The following TBC1D9B variants were observed in gnomAD, a reference collection of about 807,000 sequenced individuals.
The protein encoded by TBC1D9B is TBC1 domain family member 9B.
In TBC1D9B, 87 loss-of-function variants were observed where a neutral mutation model predicts 121.1. That is an observed-to-expected ratio of 0.72 (90% CI 0.60 to 0.86). The LOEUF (loss-of-function observed/expected upper bound fraction) is 0.86. TBC1D9B is among the 40% of genes least tolerant of loss of function. The pLI, the probability that TBC1D9B is intolerant of heterozygous loss-of-function variation, is 0.00. For synonymous variants in TBC1D9B, 668 were observed against 670.1 expected (o/e 1.00, Z 0.05); for missense variants, 1,540 against 1,628.6 (o/e 0.95, Z 0.94).
Position 179,890,474 on chromosome 5 carries a change from C to T in TBC1D9B, c.1044+905G>A, listed in dbSNP as rs1373343554. On this transcript the variant is annotated intron_variant, in intron 6 of 20. Transcript: ENST00000355235. The surrounding 1 kb of genome is among the most constrained non-coding windows in gnomAD (Gnocchi z 5.0). ...CCTGGTGCTAACAGAATGTGGGGTT[C>T]GGGTCACACCTGAGCCTCTTAACCT... 2.0e-5 allele frequency among the ~76,000 whole-genome samples: 3 copies of T among 152,168 alleles called. No individual in the cohort carries two copies. Among genetic ancestry groups the T allele is most frequent in the Non-Finnish European group, 2.9e-5 (2 of 68,034 alleles).
chr5:179,875,818 A>G lies in TBC1D9B; in HGVS notation c.1900+102T>C, dbSNP rs901277101. 51 of 879,084 alleles carry G rather than the reference A, an allele frequency of 5.8e-5. 1 individual carries two copies. The highest frequency in any genetic ancestry group is 1.9e-4 in the South Asian group (10 of 51,294). The allele number at this position is 879,084 out of a possible 1,614,324, so 54.5% of individuals were successfully genotyped here. ...TAATACTACCCTCTAACTCCTAGGG[A>G]ACCCACGTGAAGCCTGGAGCTTGGC... On this transcript the variant is annotated intron_variant, in intron 11 of 20. Coordinates refer to ENST00000355235, the MANE Select transcript of TBC1D9B (RefSeq NM_015043.4). The surrounding 1 kb of genome is among the most constrained non-coding windows in gnomAD (Gnocchi z 4.5).
intron 17 of TBC1D9B, chr5:179,869,551 T>G: frequency 2.9e-6 from 2 of 681,362 alleles, no homozygotes; most frequent in Non-Finnish European, 5.3e-6. Context: ...CGGTCACCCA[T>G]GGGATTCTCC....
chr5:179,870,616 A>G (rs1045184015), intron 15 of TBC1D9B, 121 bp from the exon 16 acceptor site: 2 of 1,407,066 alleles, frequency 1.4e-6, no homozygotes, highest in African/African-American at 1.4e-5. Flanking sequence ...TGGGGCGGTA[A>G]GCACGGGCCA....
chr5:179,889,095 T>A (rs1235149455), intron 6 of TBC1D9B, among the ~76,000 whole-genome samples: 3 of 151,424 alleles, frequency 2.0e-5, no homozygotes, highest in Non-Finnish European at 4.4e-5. Flanking sequence ...AGTGGTGCGA[T>A]CTCAGCTCAC....
At position 179,863,162 on chromosome 5, in the gene TBC1D9B, A is replaced by G; in HGVS notation, c.*286T>C. The stretch of plus-strand genomic sequence containing the variant: ...GGCAGATCTGAGAGCCTGTAATGCT[A>G]GGCAGGTGCAGCTGGTGCGAGGCGG... On this transcript the variant is annotated 3_prime_UTR_variant, in exon 21 of 21. Coordinates refer to ENST00000355235, the MANE Select transcript of TBC1D9B (RefSeq NM_015043.4). This position sits in a 1 kb window ranked among gnomAD's most constrained non-coding sequence, Gnocchi z 4.5. The G allele has an allele frequency of 2.2e-6, 1 of 451,904 alleles. No homozygotes were observed. The allele number at this position is 451,904 out of a possible 1,614,324, so 28.0% of individuals were successfully genotyped here.
rs1582068410 is a variant in TBC1D9B at position 179,862,877 on chromosome 5, G to A, written c.*571C>T. The A allele has an allele frequency of 9.1e-6, 3 of 328,392 alleles. No homozygotes were observed. The highest frequency in any genetic ancestry group is 7.6e-5 in the East Asian group (1 of 13,136). The allele number at this position is 328,392 out of a possible 1,614,324, so 20.3% of individuals were successfully genotyped here. ...GGAAAGGATGATGAGCTGAGAGCAC[G>A]TGTACAGCCACGCCTGTGCGCAGCG... On this transcript the variant is annotated 3_prime_UTR_variant, in exon 21 of 21. Transcript: ENST00000355235.
At position 179,907,186 on chromosome 5, in the gene TBC1D9B, G is replaced by A. The variant is rs1224683230; in HGVS notation, c.118+518C>T. Among the ~76,000 whole-genome samples the A allele has an allele frequency of 6.6e-6, 1 of 152,198 alleles. No individual in the cohort carries two copies. Among genetic ancestry groups the A allele is most frequent in the Non-Finnish European group, 1.5e-5 (1 of 68,024 alleles). Reference sequence around the variant, plus strand: ...AAAGGTGGGGGAGGAGAAGCTGGGGGAATGGGGGTGCGGCCAGCTCCAGGG... The same window carrying A: ...AAAGGTGGGGGAGGAGAAGCTGGGGAAATGGGGGTGCGGCCAGCTCCAGGG... On this transcript the variant is annotated intron_variant, in intron 1 of 20. Transcript: ENST00000355235. The surrounding 1 kb of genome is among the most constrained non-coding windows in gnomAD (Gnocchi z 5.3).
intron 10 of TBC1D9B, among the ~76,000 whole-genome samples, chr5:179,877,181 T>C (rs1323261685): frequency 6.7e-6 from 1 of 150,330 alleles, no homozygotes; most frequent in Non-Finnish European, 1.5e-5. Context: ...GCCTAGGAGT[T>C]TGAGGCCAGT....
intron 7 of TBC1D9B, among the ~76,000 whole-genome samples, chr5:179,882,476 T>C (rs1760568944): frequency 6.6e-6 from 1 of 152,220 alleles, no homozygotes; most frequent in Non-Finnish European, 1.5e-5. Flanking sequence ...TGAACTCCTC[T>C]GCATGTTCTT....
Position 179,875,312 on chromosome 5 carries a change from T to C in TBC1D9B, c.1901-125A>G. The C allele has an allele frequency of 6.5e-6, 8 of 1,231,884 alleles. No homozygotes were observed. Among genetic ancestry groups the C allele is most frequent in the Non-Finnish European group, 8.8e-6 (8 of 906,796 alleles). 76.3% of individuals were successfully genotyped at this position (1,231,884 alleles called of 1,614,324 possible). A position where few individuals can be genotyped will look rare whatever the true frequency, so the allele number is the denominator to read the frequency against. On this transcript the variant is annotated intron_variant, in intron 11 of 20. Coordinates refer to ENST00000355235, the MANE Select transcript of TBC1D9B (RefSeq NM_015043.4). This position sits in a 1 kb window ranked among gnomAD's most constrained non-coding sequence, Gnocchi z 4.5. The stretch of plus-strand genomic sequence containing the variant: ...CTGTGCAGTGAGGGCTGAGGGAGAC[T>C]TGGAGTGCTGGGAGAAAACAAGGAC...
chr5:179,899,092 G>C, intron 3 of TBC1D9B, 97 bp downstream of exon 3: 2 of 991,784 alleles, frequency 2.0e-6, no homozygotes, highest in South Asian at 3.2e-5. Flanking sequence ...TTGTAAAATG[G>C]GGACGCACCC....
At position 179,884,832 on chromosome 5, in the gene TBC1D9B, T is replaced by C. The variant is rs559910740; in HGVS notation, c.1254+3271A>G. On this transcript the variant is annotated intron_variant, in intron 7 of 20. Coordinates refer to ENST00000355235, the MANE Select transcript of TBC1D9B (RefSeq NM_015043.4). ...AATTCAAGTCAAAAAGGTAGAATGG[T>C]GCTTGCCAGGGGCTGGGGGAGTGGG... Among the ~76,000 whole-genome samples, 19 of 152,248 alleles carry C rather than the reference T, an allele frequency of 1.2e-4. No homozygotes were observed. In the East Asian group the frequency reaches 2.7e-3, roughly 22 times the overall value.
Position 179,865,711 on chromosome 5 carries a change from G to C in TBC1D9B, c.2914+127C>G, listed in dbSNP as rs1197752678. The stretch of plus-strand genomic sequence containing the variant: ...CTGTGCATCCCGAGGCCTGCTCCCT[G>C]ATCGGGGGACGCATCCGCCATCTCC... On this transcript the variant is annotated intron_variant, in intron 19 of 20. Transcript: ENST00000355235. This position sits in a 1 kb window ranked among gnomAD's most constrained non-coding sequence, Gnocchi z 5.1. 4.5e-6 allele frequency: 5 copies of C among 1,099,968 alleles called. No individual in the cohort carries two copies. Among genetic ancestry groups the C allele is most frequent in the Non-Finnish European group, 6.6e-6 (5 of 758,180 alleles). The allele number at this position is 1,099,968 out of a possible 1,614,324, so 68.1% of individuals were successfully genotyped here.
At chr5:179,887,835 G>A (rs1459430695) in intron 7 of TBC1D9B, 1 of 530,868 alleles carries the variant, frequency 1.9e-6, no homozygotes, top group Non-Finnish European at 3.4e-6. Context: ...CAGCAATGCA[G>A]AAAGGACAGC....
intron 20 of TBC1D9B, 152 bp from the exon 21 acceptor site, chr5:179,864,280 G>C (rs1490780927): frequency 2.6e-6 from 2 of 767,768 alleles, no homozygotes; most frequent in Non-Finnish European, 4.1e-6. Context: ...CCATCTCACA[G>C]ATCAGGACAC....
chr5:179,903,067 T>G (rs542308612), intron 2 of TBC1D9B, among the ~76,000 whole-genome samples: 1 of 152,042 alleles, frequency 6.6e-6, no homozygotes, highest in South Asian at 2.1e-4. Context: ...AGCCGTGAGG[T>G]TGACAAACTT....
At chr5:179,906,615 G>C (rs1761323265) in intron 1 of TBC1D9B, among the ~76,000 whole-genome samples, 1 of 152,188 alleles carries the variant, frequency 6.6e-6, no homozygotes, top group Non-Finnish European at 1.5e-5. Flanking sequence ...TGAACAGCTG[G>C]ATCTAGGAGG....
At chr5:179,905,224 C>T (rs1367050102) in intron 1 of TBC1D9B, among the ~76,000 whole-genome samples, 1 of 152,196 alleles carries the variant, frequency 6.6e-6, no homozygotes, top group Non-Finnish European at 1.5e-5. Context: ...ATCACAAAAT[C>T]CAGAAAACCA....
intron 3 of TBC1D9B, 115 bp downstream of exon 3, chr5:179,899,074 C>A: frequency 1.2e-6 from 1 of 823,288 alleles, no homozygotes. Flanking sequence ...ACACTTCAGT[C>A]TCCACCTTTG....
Sources: allele counts gnomAD v4.1 joint callset (sites outside exome capture counted in the v4.1 genomes callset), GRCh38; gene constraint gnomAD v4.1.1; non-coding constraint Gnocchi (gnomAD v3.1); transcripts MANE v1.5; gene names NCBI Gene and HGNC (gene_info 2026-07-23, HGNC 2026-07-21).